The following WARS2 variants were observed in gnomAD, a reference collection of about 807,000 sequenced individuals.
WARS2 encodes the protein tryptophanyl tRNA synthetase 2, mitochondrial.
In WARS2, 28 loss-of-function variants were observed where a neutral mutation model predicts 36.5. The observed-to-expected ratio is 0.77, with a 90% CI of 0.57 to 1.05. The LOEUF is 1.05. Ranked by LOEUF, WARS2 falls within the 50% of genes least tolerant of loss-of-function variation. The pLI is 0.00. For missense variants in WARS2, 435 were observed against 456.8 expected, an observed-to-expected ratio of 0.95 and a Z score of 0.44; for synonymous variants, 174 against 178.4, an observed-to-expected ratio of 0.98 and a Z score of 0.20.
rs1448196743 is a variant in WARS2, at chr1:119,031,866, T to C, written c.*1045A>G. ...GAACTTGGGACCCGCCTTGGGGATTTTGATGGGGAAATGTGACCACGGTTC... is the reference window on the plus strand; with the variant it reads ...GAACTTGGGACCCGCCTTGGGGATTCTGATGGGGAAATGTGACCACGGTTC... On this transcript the variant is annotated 3_prime_UTR_variant, in exon 6 of 6. Coordinates refer to ENST00000235521, the MANE Select transcript of WARS2 (RefSeq NM_015836.4). The C allele has an allele frequency of 6.6e-6, 1 of 152,594 alleles. No individual in the cohort carries two copies. Among genetic ancestry groups the C allele is most frequent in the East Asian group, 1.9e-4 (1 of 5,186 alleles). The allele number at this position is 152,594 out of a possible 1,614,324, so 9.5% of individuals were successfully genotyped here. A position where few individuals can be genotyped will look rare whatever the true frequency, so the allele number is the denominator to read the frequency against.
At chr1:119,040,335 A>G (rs1326301214) in intron 4 of WARS2, among the ~76,000 whole-genome samples, 2 of 152,192 alleles carry the variant, frequency 1.3e-5, no homozygotes, top group Non-Finnish European at 2.9e-5. Flanking sequence ...CCTTTGCTTC[A>G]TGGTATCATT....
chr1:119,043,601 C>T (rs1025202768), intron 3 of WARS2, among the ~76,000 whole-genome samples: 2 of 152,208 alleles, frequency 1.3e-5, no homozygotes, highest in Non-Finnish European at 2.9e-5. Flanking sequence ...AATTTCTTCA[C>T]TACATCCCCT....
intron 1 of WARS2, among the ~76,000 whole-genome samples, chr1:119,084,631 C>T (rs971128407): frequency 6.6e-6 from 1 of 152,128 alleles, no homozygotes; most frequent in Admixed American, 6.5e-5. Flanking sequence ...CTGTCCAAAC[C>T]GAGTAACTGG....
chr1:119,057,896 C>T (rs1649975786), intron 2 of WARS2, among the ~76,000 whole-genome samples: 1 of 152,116 alleles, frequency 6.6e-6, no homozygotes, highest in Non-Finnish European at 1.5e-5. Context: ...ATATTTGCTC[C>T]CACTTTATGG....
chr1:119,034,096 G>T lies in WARS2; in HGVS notation c.633C>A (p.Leu211=). The change falls in exon 5 of 6, where the codon CTC becomes CTA. Residue 211 remains leucine, a splice_region_variant and synonymous_variant. Transcript: ENST00000235521. ...GEFFPVPESI[L]TSMKKVKSLR... Reference sequence around the variant, plus strand: ...AACAATTATAAGTTTCTTACTTACTGAGAATGGACTCGGGCACTGGAAAGA... The same window carrying T: ...AACAATTATAAGTTTCTTACTTACTTAGAATGGACTCGGGCACTGGAAAGA... The T allele has an allele frequency of 6.2e-7, 1 of 1,611,660 alleles. No homozygotes were observed. Among genetic ancestry groups the T allele is most frequent in the South Asian group, 1.1e-5 (1 of 91,012 alleles).
intron 1 of WARS2, among the ~76,000 whole-genome samples, chr1:119,078,431 C>T (rs1355817694): frequency 6.6e-6 from 1 of 152,000 alleles, no homozygotes; most frequent in Non-Finnish European, 1.5e-5. Context: ...GTGAACTATT[C>T]CTAAGTATGT....
At chr1:119,046,208 A>AT (rs1484277947) in intron 2 of WARS2, among the ~76,000 whole-genome samples, 3 of 151,230 alleles carry the variant, frequency 2.0e-5, no homozygotes, top group Admixed American at 6.6e-5. Flanking sequence ...TTATCATTCC[A>AT]TCACCCCAAA....
chr1:119,087,250 A>G (rs1652740717), intron 1 of WARS2, among the ~76,000 whole-genome samples: 1 of 152,112 alleles, frequency 6.6e-6, no homozygotes, highest in South Asian at 2.1e-4. Flanking sequence ...TTCTTTATAT[A>G]CCCAGTAAAT....
chr1:119,091,359 G>A (rs910545308), intron 1 of WARS2, among the ~76,000 whole-genome samples: 1 of 152,172 alleles, frequency 6.6e-6, no homozygotes, highest in Admixed American at 6.5e-5. Flanking sequence ...CAAGGATGAA[G>A]GAACTGAGGC....
intron 4 of WARS2, among the ~76,000 whole-genome samples, chr1:119,035,221 G>A (rs779100287): frequency 1.5e-4 from 23 of 152,156 alleles, no homozygotes; most frequent in East Asian, 1.9e-4. Flanking sequence ...GCAATATGGC[G>A]GGATTAAAAA....
chr1:119,040,114 C>A (rs756480154), intron 4 of WARS2, among the ~76,000 whole-genome samples: 3 of 152,272 alleles, frequency 2.0e-5, no homozygotes, highest in Non-Finnish European at 2.9e-5. Flanking sequence ...TATTATTGAG[C>A]AATTAGGAAC....
At chr1:119,034,649 G>A (rs1647718230) in intron 4 of WARS2, among the ~76,000 whole-genome samples, 3 of 152,122 alleles carry the variant, frequency 2.0e-5, no homozygotes, top group Admixed American at 2.0e-4. Context: ...CAAATCAAAG[G>A]CAGCAGAAAG....
intron 2 of WARS2, among the ~76,000 whole-genome samples, chr1:119,060,586 C>T (rs1650291892): frequency 6.6e-6 from 1 of 152,182 alleles, no homozygotes; most frequent in South Asian, 2.1e-4. Flanking sequence ...TAAATTCTAA[C>T]ACAGATAGCA....
chr1:119,123,052 T>G (rs186351830), intron 1 of WARS2, among the ~76,000 whole-genome samples: 2 of 152,308 alleles, frequency 1.3e-5, no homozygotes, highest in African/African-American at 4.8e-5. Context: ...TTTTTCAAGA[T>G]AGAAGATCCA....
At chr1:119,078,979 A>ATG (rs150368090) in intron 1 of WARS2, among the ~76,000 whole-genome samples, 2 of 151,342 alleles carry the variant, frequency 1.3e-5, no homozygotes, top group Non-Finnish European at 3.0e-5. Flanking sequence ...CATATACAAA[A>ATG]TGTGTGTGTG....
At chr1:119,123,598 A>G (rs1367864426) in intron 1 of WARS2, among the ~76,000 whole-genome samples, 1 of 125,822 alleles carries the variant, frequency 7.9e-6, no homozygotes, top group Non-Finnish European at 1.7e-5. Flanking sequence ...ACTTGTGTGC[A>G]TGCAAACACA....
At chr1:119,074,110 T>A (rs1280901180) in intron 2 of WARS2, among the ~76,000 whole-genome samples, 1 of 152,102 alleles carries the variant, frequency 6.6e-6, no homozygotes, top group Non-Finnish European at 1.5e-5. Context: ...TTAGATGAAG[T>A]GAAGATGATG....
At chr1:119,110,321 C>G (rs1335322625) in intron 1 of WARS2, among the ~76,000 whole-genome samples, 2 of 151,984 alleles carry the variant, frequency 1.3e-5, no homozygotes, top group African/African-American at 2.4e-5. Context: ...GGCAGGTGTC[C>G]TGTAACAAAT....
At chr1:119,126,242 T>C (rs1655645565) in intron 1 of WARS2, among the ~76,000 whole-genome samples, 1 of 143,156 alleles carries the variant, frequency 7.0e-6, no homozygotes, top group Admixed American at 7.2e-5. Flanking sequence ...TCTTCACTTA[T>C]ACCCCTTAAT....
Sources: allele counts gnomAD v4.1 joint callset (sites outside exome capture counted in the v4.1 genomes callset), GRCh38; gene constraint gnomAD v4.1.1; transcripts MANE v1.5; gene names NCBI Gene and HGNC (gene_info 2026-07-23, HGNC 2026-07-21).